The following ABI2 variants were observed in gnomAD, a reference collection of about 807,000 sequenced individuals.
ABI2 encodes the protein abelson interactor 2.
ABI2 carries 25 observed loss-of-function variants against 59.2 expected under a neutral mutation model. The ratio of observed to expected loss-of-function variants is 0.42; its 90% CI spans 0.31 to 0.59. ABI2 has a LOEUF of 0.59. ABI2 is among the 20% of genes least tolerant of loss of function. The pLI, the probability that ABI2 is intolerant of heterozygous loss-of-function variation, is 0.14. For synonymous variants in ABI2, 213 were observed against 235.5 expected (o/e 0.90, Z 0.87); for missense variants, 545 against 681.8 (o/e 0.80, Z 2.23).
chr2:203,345,907 C>T (rs928489257), intron 1 of ABI2, among the ~76,000 whole-genome samples: 7 of 151,518 alleles, frequency 4.6e-5, no homozygotes, highest in Non-Finnish European at 8.8e-5. Flanking sequence ...TGGCCGGGCA[C>T]GGTGGCTCAC....
chr2:203,391,458 T>A (rs1342552650), intron 5 of ABI2, among the ~76,000 whole-genome samples: 2 of 152,210 alleles, frequency 1.3e-5, no homozygotes, highest in African/African-American at 4.8e-5. Context: ...TATATTACAG[T>A]TTAACTCCAA....
chr2:203,374,860 T>G (rs771054665), intron 2 of ABI2: 2 of 455,312 alleles, frequency 4.4e-6, no homozygotes, highest in South Asian at 3.1e-5. Context: ...GAGGTAGTGC[T>G]ATCCAGTACA....
chr2:203,390,524 T>C (rs891595640), intron 4 of ABI2, among the ~76,000 whole-genome samples: 7 of 151,812 alleles, frequency 4.6e-5, no homozygotes, highest in Non-Finnish European at 7.4e-5. Context: ...ACCAGCTACT[T>C]GGGAGGCTGA....
chr2:203,370,889 T>C (rs924521986), intron 2 of ABI2, among the ~76,000 whole-genome samples: 10 of 152,200 alleles, frequency 6.6e-5, no homozygotes, highest in African/African-American at 2.4e-4. Context: ...TGAGTTTCTT[T>C]TCCCATTAGT....
chr2:203,423,570 C>T (rs1324418991), intron 11 of ABI2, among the ~76,000 whole-genome samples: 5 of 152,204 alleles, frequency 3.3e-5, no homozygotes, highest in Admixed American at 1.3e-4. Context: ...GGACTACAGG[C>T]GCCGGCCACC....
intron 1 of ABI2, among the ~76,000 whole-genome samples, chr2:203,359,454 T>A (rs903811667): frequency 6.6e-6 from 1 of 152,176 alleles, no homozygotes; most frequent in African/African-American, 2.4e-5. Flanking sequence ...TGTGAAAAAA[T>A]CAATATTTTT....
rs148310998 is a variant in ABI2, at chr2:203,402,159, C to T, written c.1034-417C>T. On this transcript the variant is annotated intron_variant, in intron 8 of 11. Coordinates refer to ENST00000261018, the MANE Select transcript of ABI2 (RefSeq NM_001375670.1). ...AAGTGATTCTTACGCCTCAGCCTCCCGAGTAGCTGGAATTACAGGCGCACG... is the reference window on the plus strand; with the variant it reads ...AAGTGATTCTTACGCCTCAGCCTCCTGAGTAGCTGGAATTACAGGCGCACG... Among the ~76,000 whole-genome samples the T allele has an allele frequency of 1.1e-3, 169 of 152,090 alleles. 1 individual carries two copies. Among genetic ancestry groups the T allele is most frequent in the Middle Eastern group, 3.4e-3 (1 of 294 alleles).
chr2:203,430,205 T>C lies in ABI2; in HGVS notation c.*2853T>C, dbSNP rs933718172. ...TTTTGTTTTATTGTAAGTTTCCCTC[T>C]TTTTTTATAAATTAAAAGATGGTTG... On this transcript the variant is annotated 3_prime_UTR_variant, in exon 12 of 12. Coordinates refer to ENST00000261018, the MANE Select transcript of ABI2 (RefSeq NM_001375670.1). The C allele has an allele frequency of 9.2e-5, 14 of 151,706 alleles. No homozygotes were observed. The highest frequency in any genetic ancestry group is 3.3e-4 in the Admixed American group (5 of 15,232). 9.4% of individuals were successfully genotyped at this position (151,706 alleles called of 1,614,324 possible). A position where few individuals can be genotyped will look rare whatever the true frequency, so the allele number is the denominator to read the frequency against.
intron 1 of ABI2, chr2:203,342,266 C>A (rs1274928194): frequency 2.2e-6 from 1 of 444,724 alleles, no homozygotes; most frequent in Admixed American, 2.5e-5. Flanking sequence ...GTTCTGTTAC[C>A]ATTTTGATTT....
chr2:203,356,176 G>C (rs1559203261), intron 1 of ABI2, among the ~76,000 whole-genome samples: 2 of 151,882 alleles, frequency 1.3e-5, no homozygotes, highest in Admixed American at 6.6e-5. Flanking sequence ...ATACTTTTCA[G>C]GTCTGAAAAA....
chr2:203,424,311 T>A (rs1364187463), intron 11 of ABI2, among the ~76,000 whole-genome samples: 2 of 152,242 alleles, frequency 1.3e-5, no homozygotes, highest in African/African-American at 4.8e-5. Context: ...AGTAAAGAAT[T>A]AGATGAAGTA....
Position 203,430,424 on chromosome 2 carries a change from CTT to C in ABI2, c.*3075_*3076del, listed in dbSNP as rs2098473967. On this transcript the variant is annotated 3_prime_UTR_variant, in exon 12 of 12. Transcript: ENST00000261018. Reference sequence around the variant, plus strand: ...CCCCTTAAAAAAAATGAATAGTTGTCTTTTCTTGTCATATTAATACTCGAAAG... The same window carrying C: ...CCCCTTAAAAAAAATGAATAGTTGTCTTCTTGTCATATTAATACTCGAAAG... 1 of 152,100 alleles carries C rather than the reference CTT, an allele frequency of 6.6e-6. No individual in the cohort carries two copies. The highest frequency in any genetic ancestry group is 2.1e-4 in the South Asian group (1 of 4,806). 9.4% of individuals were successfully genotyped at this position (152,100 alleles called of 1,614,324 possible). A position where few individuals can be genotyped will look rare whatever the true frequency, so the allele number is the denominator to read the frequency against.
intron 11 of ABI2, among the ~76,000 whole-genome samples, chr2:203,422,977 A>G (rs1278786023): frequency 6.6e-6 from 1 of 152,212 alleles, no homozygotes; most frequent in Non-Finnish European, 1.5e-5. Flanking sequence ...AACTCACAAT[A>G]TGTAATTTAA....
chr2:203,372,551 C>G (rs940564313), intron 2 of ABI2, among the ~76,000 whole-genome samples: 7 of 146,570 alleles, frequency 4.8e-5, no homozygotes, highest in Non-Finnish European at 9.0e-5. Flanking sequence ...GCTGGCCGGG[C>G]GGGGGGCTGA....
chr2:203,392,329 A>C (rs3950504), intron 5 of ABI2, among the ~76,000 whole-genome samples: 50,384 of 116,024 alleles, frequency 0.43, 11,726 homozygotes, highest in Middle Eastern at 0.56. Flanking sequence ...AACAACAACA[A>C]CAACAACAAC....
intron 2 of ABI2, chr2:203,375,965 G>T: frequency 1.0e-6 from 1 of 992,288 alleles, no homozygotes; most frequent in Non-Finnish European, 1.5e-6. Context: ...GTGGTAGTAT[G>T]ATGGCAAGAA....
intron 2 of ABI2, among the ~76,000 whole-genome samples, chr2:203,372,669 C>T (rs1171377169): frequency 1.1e-4 from 16 of 152,076 alleles, no homozygotes; most frequent in African/African-American, 3.9e-4. Flanking sequence ...CCTCACTTCC[C>T]AGACGGGGTG....
chr2:203,339,268 T>G (rs2078454688), intron 1 of ABI2, among the ~76,000 whole-genome samples: 1 of 151,236 alleles, frequency 6.6e-6, no homozygotes, highest in African/African-American at 2.4e-5. Context: ...AGAATGTAAA[T>G]TGGAACAGCC....
chr2:203,369,434 TG>T (rs1351470609), intron 2 of ABI2, among the ~76,000 whole-genome samples: 3 of 152,148 alleles, frequency 2.0e-5, no homozygotes, highest in African/African-American at 7.2e-5. Context: ...TTTAGAATTT[TG>T]TAGTACTTTG....
Sources: allele counts gnomAD v4.1 joint callset (sites outside exome capture counted in the v4.1 genomes callset), GRCh38; gene constraint gnomAD v4.1.1; transcripts MANE v1.5; gene names NCBI Gene and HGNC (gene_info 2026-07-23, HGNC 2026-07-21).